The following CMIP variants were observed in gnomAD, a reference collection of about 807,000 sequenced individuals.
CMIP encodes C-Maf-inducing protein.
A neutral mutation model predicts 97.3 loss-of-function variants in CMIP; 13 were observed. That is an observed-to-expected ratio of 0.13 (90% CI 0.09 to 0.21). The LOEUF (loss-of-function observed/expected upper bound fraction) is 0.21. Ranked by LOEUF, CMIP falls within the 10% of genes least tolerant of loss-of-function variation. CMIP has a pLI of 1.00. For synonymous variants in CMIP, 538 were observed against 436.3 expected (o/e 1.23, Z -2.91); for missense variants, 847 against 1,024.9 (o/e 0.83, Z 2.37).
chr16:81,637,680 C>T (rs770079054), intron 3 of CMIP, among the ~76,000 whole-genome samples: 2 of 152,122 alleles, frequency 1.3e-5, no homozygotes, highest in Admixed American at 6.5e-5. Context: ...CCTCTGAGCT[C>T]CCAGGAGTGT....
intron 1 of CMIP, among the ~76,000 whole-genome samples, chr16:81,522,858 C>T (rs150730264): frequency 3.3e-5 from 5 of 152,278 alleles, no homozygotes; most frequent in African/African-American, 1.2e-4. Flanking sequence ...TGTGCATCTT[C>T]ACATTTAAAA....
At chr16:81,500,240 TTCCTTCCTTCCTTCCG>T (rs1210795194) in intron 1 of CMIP, among the ~76,000 whole-genome samples, 3 of 126,642 alleles carry the variant, frequency 2.4e-5, no homozygotes, top group Admixed American at 1.7e-4. Flanking sequence ...TTATCAAAAT[TTCCTTCCTTCCTTCCG>T]TCCTTCCTTC....
In CMIP at chr16:81,588,873, C is replaced by G. The variant is rs548066484; in HGVS notation, c.301-18694C>G. ...CCCTGTCTCCTGGCCTCTATCACTC[C>G]CATTTCACAGATGAGGAGACCGAGG... On this transcript the variant is annotated intron_variant, in intron 1 of 20. Transcript: ENST00000537098. 7.9e-5 allele frequency among the ~76,000 whole-genome samples: 12 copies of G among 152,140 alleles called. 1 individual carries two copies. The East Asian group carries it at 2.3e-3, about 29-fold the overall frequency.
chr16:81,495,368 G>C, intron 1 of CMIP: 1 of 1,510,634 alleles, frequency 6.6e-7, no homozygotes, highest in South Asian at 1.3e-5. Context: ...GATGGGCTGG[G>C]CGTGCATGGC....
At chr16:81,491,973 T>G (rs545044969) in intron 1 of CMIP, among the ~76,000 whole-genome samples, 4 of 152,228 alleles carry the variant, frequency 2.6e-5, no homozygotes, top group African/African-American at 9.6e-5. Context: ...TGTCACACCA[T>G]TTTTCATGAA....
intron 1 of CMIP, among the ~76,000 whole-genome samples, chr16:81,529,451 G>A (rs142255800): frequency 5.3e-5 from 8 of 152,282 alleles, no homozygotes; most frequent in Middle Eastern, 3.4e-3. Context: ...GTTGGTCTTC[G>A]AGGAGATGGG....
intron 1 of CMIP, among the ~76,000 whole-genome samples, chr16:81,563,325 A>T (rs1263581688): frequency 6.6e-6 from 1 of 152,228 alleles, no homozygotes; most frequent in African/African-American, 2.4e-5. Flanking sequence ...CCTGAGTTCA[A>T]ATCCCAGCTC....
intron 1 of CMIP, among the ~76,000 whole-genome samples, chr16:81,571,837 C>G (rs939111943): frequency 6.6e-6 from 1 of 152,186 alleles, no homozygotes; most frequent in Non-Finnish European, 1.5e-5. Flanking sequence ...CCTTGATGCC[C>G]AGGAGAAATA....
intron 1 of CMIP, among the ~76,000 whole-genome samples, chr16:81,570,414 A>C (rs2091066349): frequency 6.6e-6 from 1 of 152,170 alleles, no homozygotes; most frequent in Non-Finnish European, 1.5e-5. Flanking sequence ...GCTGCTTCTC[A>C]GTGGACTGCC....
intron 1 of CMIP, among the ~76,000 whole-genome samples, chr16:81,543,849 C>A (rs1356092870): frequency 6.6e-6 from 1 of 152,166 alleles, no homozygotes; most frequent in African/African-American, 2.4e-5. Flanking sequence ...CAGCTATGAC[C>A]CCTGAAATGC....
At chr16:81,528,741 A>G (rs536064740) in intron 1 of CMIP, among the ~76,000 whole-genome samples, 5 of 152,278 alleles carry the variant, frequency 3.3e-5, no homozygotes, top group African/African-American at 1.2e-4. Context: ...AGTTATTTCA[A>G]TGGCATGAAA....
chr16:81,455,714 C>T (rs1196009250), intron 1 of CMIP, among the ~76,000 whole-genome samples: 6 of 152,304 alleles, frequency 3.9e-5, no homozygotes, highest in Admixed American at 2.0e-4. Flanking sequence ...GTGGTAATGG[C>T]GTCAGGCTGC....
In CMIP at chr16:81,457,833, G is replaced by C. The variant is rs140805745; in HGVS notation, c.300+12292G>C. 2.7e-4 allele frequency among the ~76,000 whole-genome samples: 41 copies of C among 152,326 alleles called. No homozygotes were observed. The East Asian group carries it at 7.7e-3, about 29-fold the overall frequency. ...CTTAGGAGCCCTGTCCCCATGTCTG[G>C]CATGGTGTGGGGCCAAGAGCCGGTG... On this transcript the variant is annotated intron_variant, in intron 1 of 20. Coordinates refer to ENST00000537098, the MANE Select transcript of CMIP (RefSeq NM_198390.3).
intron 1 of CMIP, among the ~76,000 whole-genome samples, chr16:81,459,008 GTCACCGTCACCATCACTGTCACCA>G (rs1229175159): frequency 5.6e-5 from 8 of 143,978 alleles, no homozygotes; most frequent in South Asian, 2.1e-4. Context: ...CACCATCACC[GTCACCGTCACCATCACTGTCACCA>G]TCACCATCAC....
At chr16:81,651,620 T>C (rs2092429817) in intron 3 of CMIP, among the ~76,000 whole-genome samples, 1 of 152,234 alleles carries the variant, frequency 6.6e-6, no homozygotes, top group South Asian at 2.1e-4. Flanking sequence ...AACAGTGCCT[T>C]CAACTCAGAG....
At chr16:81,572,633 G>A (rs57041448) in intron 1 of CMIP, among the ~76,000 whole-genome samples, 3 of 152,302 alleles carry the variant, frequency 2.0e-5, no homozygotes, top group East Asian at 3.9e-4. Flanking sequence ...CAGGGTGCCC[G>A]GCCCGCACAT....
intron 1 of CMIP, among the ~76,000 whole-genome samples, chr16:81,488,843 G>T (rs952227236): frequency 6.6e-6 from 1 of 152,140 alleles, no homozygotes; most frequent in Non-Finnish European, 1.5e-5. Flanking sequence ...GAGCGATGTA[G>T]TTGCCACTGT....
At chr16:81,624,456 TC>T (rs1421646025) in intron 3 of CMIP, among the ~76,000 whole-genome samples, 2 of 150,686 alleles carry the variant, frequency 1.3e-5, no homozygotes, top group South Asian at 2.1e-4. Flanking sequence ...GAATGCCACT[TC>T]CAGCCTGGGC....
At chr16:81,645,274 C>T in intron 3 of CMIP, 1 of 843,462 alleles carries the variant, frequency 1.2e-6, no homozygotes, top group Non-Finnish European at 1.6e-6. Flanking sequence ...CCTGTGGGGT[C>T]CTCCTCCACT....
Sources: allele counts gnomAD v4.1 joint callset (sites outside exome capture counted in the v4.1 genomes callset), GRCh38; gene constraint gnomAD v4.1.1; transcripts MANE v1.5; gene names NCBI Gene and HGNC (gene_info 2026-07-23, HGNC 2026-07-21).